Variants in DSE observed in about 807,000 individuals in gnomAD.
DSE encodes the protein dermatan-sulfate epimerase.
DSE carries 36 observed loss-of-function variants against 84.4 expected under a neutral mutation model. The ratio of observed to expected loss-of-function variants is 0.43; its 90% CI spans 0.33 to 0.56. DSE has a LOEUF of 0.56. Ranked by LOEUF, DSE falls within the 20% of genes least tolerant of loss-of-function variation. The pLI is 0.06. For synonymous variants in DSE, 410 were observed against 430.1 expected, an observed-to-expected ratio of 0.95 and a Z score of 0.58; for missense variants, 862 against 1,169.6, an observed-to-expected ratio of 0.74 and a Z score of 3.84.
At chr6:116,284,368 G>A (rs575550326) in intron 2 of DSE, among the ~76,000 whole-genome samples, 2 of 152,154 alleles carry the variant, frequency 1.3e-5, no homozygotes, top group African/African-American at 4.8e-5. Flanking sequence ...TATGACCTTC[G>A]TGTTACTCAA....
intron 2 of DSE, among the ~76,000 whole-genome samples, chr6:116,418,786 A>G (rs769983026): frequency 6.6e-6 from 1 of 152,170 alleles, no homozygotes; most frequent in Non-Finnish European, 1.5e-5. Context: ...CTAGATTCAG[A>G]TAATTCAGAT....
intron 2 of DSE, among the ~76,000 whole-genome samples, chr6:116,267,442 T>TA (rs558541993): frequency 0.025 from 3,707 of 148,830 alleles, 145 homozygotes; most frequent in African/African-American, 0.085. Flanking sequence ...TTTAAAAAGT[T>TA]GAAAAAAAAG....
intron 2 of DSE, among the ~76,000 whole-genome samples, chr6:116,305,616 G>A (rs988175958): frequency 2.6e-5 from 4 of 151,986 alleles, no homozygotes; most frequent in Admixed American, 2.6e-4. Context: ...TAATTATACC[G>A]TAGCTATAGA....
chr6:116,372,460 C>T (rs1458240744), intron 1 of DSE, among the ~76,000 whole-genome samples: 2 of 151,986 alleles, frequency 1.3e-5, no homozygotes, highest in Non-Finnish European at 2.9e-5. Flanking sequence ...AGGCTCAAAA[C>T]AAAACAAAAC....
In DSE at chr6:116,436,373, T is replaced by C; in HGVS notation, c.1905T>C (p.Tyr635=). The change falls in exon 6 of 6, where the codon TAT becomes TAC. Residue 635 remains tyrosine, a synonymous_variant. Coordinates refer to ENST00000644252, the MANE Select transcript of DSE (RefSeq NM_013352.4). ...SEKATFASVT[Y]PRGYPYNGTN... ...AAGCAACCTTTGCCTCAGTGACATA[T>C]CCTCGGGGCTATCCCTACAATGGGA... 6.2e-7 allele frequency: 1 copy of C among 1,614,126 alleles called. No homozygotes were observed. Among genetic ancestry groups the C allele is most frequent in the Non-Finnish European group, 8.5e-7 (1 of 1,180,012 alleles).
At chr6:116,405,214 C>G (rs536170934) in intron 2 of DSE, among the ~76,000 whole-genome samples, 1 of 152,110 alleles carries the variant, frequency 6.6e-6, no homozygotes, top group South Asian at 2.1e-4. Flanking sequence ...GCTTCAAATG[C>G]AGTTCTCTGC....
chr6:116,349,060 A>G (rs894503192), intron 2 of DSE, among the ~76,000 whole-genome samples: 2 of 152,166 alleles, frequency 1.3e-5, no homozygotes, highest in Non-Finnish European at 1.5e-5. Flanking sequence ...TGGCACATGT[A>G]TACATATGTA....
At chr6:116,315,611 C>T (rs1296979486) in intron 2 of DSE, among the ~76,000 whole-genome samples, 1 of 152,166 alleles carries the variant, frequency 6.6e-6, no homozygotes, top group Admixed American at 6.5e-5. Flanking sequence ...TACTCTAAAG[C>T]ACCGTGTTAT....
chr6:116,415,026 A>G (rs933993849), intron 2 of DSE, among the ~76,000 whole-genome samples: 4 of 152,238 alleles, frequency 2.6e-5, no homozygotes, highest in Non-Finnish European at 5.9e-5. Context: ...TCTGCTGTAC[A>G]GCCATCTTTG....
At chr6:116,388,865 C>G (rs1583152924) in intron 1 of DSE, among the ~76,000 whole-genome samples, 1 of 152,002 alleles carries the variant, frequency 6.6e-6, no homozygotes, top group Non-Finnish European at 1.5e-5. Flanking sequence ...TGTTTGGTTA[C>G]TTGGAATATT....
In DSE at chr6:116,395,373, C is replaced by T. The variant is rs182645380; in HGVS notation, c.-53-3825C>T. 1.9e-3 allele frequency among the ~76,000 whole-genome samples: 285 copies of T among 151,216 alleles called. 2 individuals are homozygous for T. The highest frequency in any genetic ancestry group is 6.6e-3 in the African/African-American group (273 of 41,138). ...CCAGGAGGCAGAGCTTGCAGTGAGC[C>T]GAGATCGGGCCACTGCACTCCAGCC... On this transcript the variant is annotated intron_variant, in intron 1 of 5. Transcript: ENST00000644252.
intron 2 of DSE, among the ~76,000 whole-genome samples, chr6:116,353,425 A>G (rs1172334849): frequency 6.6e-6 from 1 of 152,200 alleles, no homozygotes; most frequent in East Asian, 1.9e-4. Context: ...TGGAATAAAT[A>G]TCTTTCTTCA....
intron 2 of DSE, among the ~76,000 whole-genome samples, chr6:116,274,628 G>C (rs1002894600): frequency 6.6e-6 from 1 of 151,832 alleles, no homozygotes; most frequent in African/African-American, 2.4e-5. Flanking sequence ...GCATATATTG[G>C]TCTTAAAAGT....
chr6:116,405,424 C>T (rs925054676), intron 2 of DSE, among the ~76,000 whole-genome samples: 3 of 152,138 alleles, frequency 2.0e-5, no homozygotes, highest in Admixed American at 2.0e-4. Flanking sequence ...AAAGTGGACT[C>T]GTGGAGACAA....
At chr6:116,328,621 C>T (rs539323831) in intron 2 of DSE, among the ~76,000 whole-genome samples, 3 of 152,240 alleles carry the variant, frequency 2.0e-5, no homozygotes, top group South Asian at 2.1e-4. Context: ...TAAAAAATGA[C>T]GCACATTGTA....
At chr6:116,391,920 G>A (rs544167073) in intron 1 of DSE, among the ~76,000 whole-genome samples, 1 of 152,084 alleles carries the variant, frequency 6.6e-6, no homozygotes, top group African/African-American at 2.4e-5. Context: ...TAAGAATAAG[G>A]TTAGATTTAT....
intron 5 of DSE, among the ~76,000 whole-genome samples, chr6:116,435,174 AC>A: frequency 6.6e-6 from 1 of 152,326 alleles, no homozygotes; most frequent in African/African-American, 2.4e-5. Context: ...GCAGAACTAT[AC>A]TTTATTACAA....
chr6:116,397,242 C>G (rs1205041164), intron 1 of DSE, among the ~76,000 whole-genome samples: 1 of 125,750 alleles, frequency 8.0e-6, no homozygotes, highest in Non-Finnish European at 1.6e-5. Flanking sequence ...TAGAGTTTCT[C>G]TCTGTCACCC....
chr6:116,371,130 A>T lies in DSE; in HGVS notation c.-54+9A>T. On this transcript the variant is annotated intron_variant, in intron 1 of 5. Coordinates refer to ENST00000644252, the MANE Select transcript of DSE (RefSeq NM_013352.4). ...AGCCTCGGCTGGGAGCGGTAAGTGG[A>T]GGGGCGCGCAAGGGACGAGCTGGGG... The T allele has an allele frequency of 1.0e-6, 1 of 985,864 alleles. No individual in the cohort carries two copies. Among genetic ancestry groups the T allele is most frequent in the Non-Finnish European group, 1.2e-6 (1 of 830,484 alleles). 61.1% of individuals were successfully genotyped at this position (985,864 alleles called of 1,614,324 possible). A position where few individuals can be genotyped will look rare whatever the true frequency, so the allele number is the denominator to read the frequency against.
Sources: gnomAD v4.1 joint callset for allele counts (sites outside exome capture counted in the v4.1 genomes callset) on GRCh38, gnomAD v4.1.1 for gene constraint, MANE v1.5 for transcripts, NCBI Gene and HGNC (gene_info 2026-07-23, HGNC 2026-07-21) for gene names.